GMCL1: variants seen among roughly 807,000 people sequenced by gnomAD.
GMCL1 encodes germ cell-less 1, spermatogenesis associated.
In GMCL1, 54 loss-of-function variants were observed where a neutral mutation model predicts 75.5. That is an observed-to-expected ratio of 0.71 (90% CI 0.57 to 0.90). The LOEUF is 0.90. Among genes scored for constraint, GMCL1 ranks in the 40% least tolerant of loss-of-function variants. GMCL1 has a pLI of 0.00. For missense variants in GMCL1, 537 were observed against 622.7 expected (o/e 0.86, Z 1.47); for synonymous variants, 210 against 209.6 (o/e 1.00, Z -0.02).
rs1272588966 is a variant in GMCL1 at position 69,879,027 on chromosome 2, C to T, written c.*23C>T. On this transcript the variant is annotated 3_prime_UTR_variant, in exon 14 of 14. Coordinates refer to ENST00000282570, the MANE Select transcript of GMCL1 (RefSeq NM_178439.5). Reference sequence around the variant, plus strand: ...TGAAAATAATCGTCACCCAGAAAATCCAGAAAACTGAAGATTTCATCAGTT... The same window carrying T: ...TGAAAATAATCGTCACCCAGAAAATTCAGAAAACTGAAGATTTCATCAGTT... 1 of 1,456,704 alleles carries T rather than the reference C, an allele frequency of 6.9e-7. No individual in the cohort carries two copies. The highest frequency in any genetic ancestry group is 9.6e-7 in the Non-Finnish European group (1 of 1,043,736). 90.2% of individuals were successfully genotyped at this position (1,456,704 alleles called of 1,614,324 possible).
chr2:69,869,467 G>A, intron 11 of GMCL1: 1 of 327,264 alleles, frequency 3.1e-6, no homozygotes, highest in African/African-American at 2.2e-5. Flanking sequence ...TAGAATTGCA[G>A]TATGGAGAGA....
rs1255333022 is a variant in GMCL1 at position 69,854,934 on chromosome 2, T to C, written c.1046T>C (p.Ile349Thr). Reference protein sequence around the residue: ...IISDLASARIIEQDAVVPSEW... With the variant: ...IISDLASARITEQDAVVPSEW... ...AGTGATCTGGCTTCTGCAAGAATTA[T>C]TGAACAAGATGCTGTAGTACCTTCA... The change falls in exon 9 of 14, where the codon ATT (isoleucine) becomes ACT (threonine). Residue 349 changes from isoleucine to threonine, a missense_variant. Ile to Thr is a moderately conservative substitution (Grantham distance 89). Around this residue, in one of 3 missense-constraint regions of GMCL1, gnomAD observed 345 missense variants for 410.5 expected, o/e 0.84. Transcript: ENST00000282570. 6.2e-7 allele frequency: 1 copy of C among 1,608,262 alleles called. No homozygotes were observed. Among genetic ancestry groups the C allele is most frequent in the East Asian group, 2.2e-5 (1 of 44,586 alleles).
intron 10 of GMCL1, among the ~76,000 whole-genome samples, chr2:69,863,007 T>C (rs1675702577): frequency 6.6e-6 from 1 of 152,192 alleles, no homozygotes; most frequent in African/African-American, 2.4e-5. Flanking sequence ...ATGTCCTTAT[T>C]GAGGTAATAC....
intron 13 of GMCL1, among the ~76,000 whole-genome samples, chr2:69,875,669 C>T (rs918465260): frequency 2.0e-5 from 3 of 151,726 alleles, no homozygotes; most frequent in Non-Finnish European, 4.4e-5. Flanking sequence ...TGTGTATTTC[C>T]TGGAAGTATA....
At chr2:69,860,148 C>T (rs1249104272) in intron 9 of GMCL1, among the ~76,000 whole-genome samples, 1 of 151,974 alleles carries the variant, frequency 6.6e-6, no homozygotes, top group East Asian at 1.9e-4. Flanking sequence ...ACTACAGGTG[C>T]ACGCACCTAA....
intron 11 of GMCL1, among the ~76,000 whole-genome samples, chr2:69,866,495 GTC>G (rs1336891934): frequency 1.3e-5 from 2 of 152,138 alleles, no homozygotes; most frequent in Non-Finnish European, 1.5e-5. Context: ...GATGGACAGT[GTC>G]TCACTGTGTC....
intron 8 of GMCL1, among the ~76,000 whole-genome samples, chr2:69,852,448 G>A (rs1675343556): frequency 6.6e-6 from 1 of 152,022 alleles, no homozygotes; most frequent in African/African-American, 2.4e-5. Flanking sequence ...ATTTTCAATA[G>A]TTTTAAAATT....
At position 69,877,985 on chromosome 2, in the gene GMCL1, G is replaced by A. The variant is rs1425818343; in HGVS notation, c.1453-924G>A. ...AGAGCATATCCCAGGCATTTAAAAC[G>A]TAGGAATTCTCATTTTAGTGTTTCT... On this transcript the variant is annotated intron_variant, in intron 13 of 13. Transcript: ENST00000282570. 3.9e-5 allele frequency among the ~76,000 whole-genome samples: 6 copies of A among 152,212 alleles called. 1 individual carries two copies. The highest frequency in any genetic ancestry group is 1.3e-4 in the Admixed American group (2 of 15,288).
chr2:69,870,192 A>G (rs1573372853), intron 12 of GMCL1, among the ~76,000 whole-genome samples: 1 of 151,592 alleles, frequency 6.6e-6, no homozygotes, highest in Non-Finnish European at 1.5e-5. Context: ...GAAAACACAT[A>G]TTATCCTTAA....
Position 69,844,207 on chromosome 2 carries a change from T to C in GMCL1, c.758+11T>C. On this transcript the variant is annotated intron_variant, in intron 6 of 13. Transcript: ENST00000282570. ...TTTTAAAGAACTCAGGTATTTGAAT[T>C]TCAAGTAACTTCATAATTAGTCATC... 7.1e-7 allele frequency: 1 copy of C among 1,411,914 alleles called. No homozygotes were observed. Among genetic ancestry groups the C allele is most frequent in the Non-Finnish European group, 9.8e-7 (1 of 1,019,456 alleles). 87.5% of individuals were successfully genotyped at this position (1,411,914 alleles called of 1,614,324 possible). A position where few individuals can be genotyped will look rare whatever the true frequency, so the allele number is the denominator to read the frequency against.
At chr2:69,861,166 C>A in intron 9 of GMCL1, 112 bp from the exon 10 acceptor site, 1 of 763,936 alleles carries the variant, frequency 1.3e-6, no homozygotes, top group Non-Finnish European at 2.1e-6. Context: ...TTTTAAATTG[C>A]TATTTTAAAC....
intron 7 of GMCL1, among the ~76,000 whole-genome samples, 157 bp from the exon 8 acceptor site, chr2:69,849,495 A>C (rs1219343804): frequency 6.6e-6 from 1 of 152,198 alleles, no homozygotes; most frequent in Non-Finnish European, 1.5e-5. Flanking sequence ...TGATAAATTG[A>C]GTGCTTATAG....
chr2:69,869,293 C>T (rs1675914706), intron 11 of GMCL1, among the ~76,000 whole-genome samples: 1 of 149,422 alleles, frequency 6.7e-6, no homozygotes, highest in Non-Finnish European at 1.5e-5. Flanking sequence ...TGGCAGGGAC[C>T]TGTAGTCCCA....
intron 9 of GMCL1, among the ~76,000 whole-genome samples, chr2:69,860,994 C>G (rs1675623855): frequency 6.6e-6 from 1 of 152,208 alleles, no homozygotes; most frequent in Non-Finnish European, 1.5e-5. Flanking sequence ...AGGCGCCCAC[C>G]ACCACACCCG....
At chr2:69,843,602 A>G (rs939333686) in intron 5 of GMCL1, among the ~76,000 whole-genome samples, 5 of 152,154 alleles carry the variant, frequency 3.3e-5, no homozygotes, top group Non-Finnish European at 7.4e-5. Flanking sequence ...CAGCCTGAGC[A>G]ATGTAGGGAG....
At chr2:69,872,932 A>G (rs1676023362) in intron 13 of GMCL1, among the ~76,000 whole-genome samples, 1 of 152,344 alleles carries the variant, frequency 6.6e-6, no homozygotes, top group Non-Finnish European at 1.5e-5. Context: ...TCCTTCAGCA[A>G]ACATTTGTGT....
chr2:69,859,955 A>G (rs1212496320), intron 9 of GMCL1, among the ~76,000 whole-genome samples: 1 of 152,118 alleles, frequency 6.6e-6, no homozygotes, highest in Non-Finnish European at 1.5e-5. Context: ...CTAGTTGGGA[A>G]TAAACAAGAG....
At chr2:69,837,303 C>T (rs3771534) in intron 1 of GMCL1, among the ~76,000 whole-genome samples, 31,437 of 152,020 alleles carry the variant, frequency 0.21, 3,416 homozygotes, top group African/African-American at 0.25. Context: ...CATGCTGCCC[C>T]CCTTTCTCCA....
Position 69,844,154 on chromosome 2 carries a change from A to ATTT in GMCL1, c.717_719dup (p.Asn239_Leu240insPhe). 6.3e-7 allele frequency: 1 copy of ATTT among 1,575,566 alleles called. No individual in the cohort carries two copies. Among genetic ancestry groups the ATTT allele is most frequent in the Non-Finnish European group, 8.6e-7 (1 of 1,159,528 alleles). On this transcript the variant is annotated inframe_insertion, in exon 6 of 14. Coordinates refer to ENST00000282570, the MANE Select transcript of GMCL1 (RefSeq NM_178439.5). ...AGGTGCCTTGAATGGCTTCTAAACA[A>ATTT]TTTGATGACTCACCAGAATGTTGAA...
Sources: gnomAD v4.1 joint callset for allele counts (sites outside exome capture counted in the v4.1 genomes callset) on GRCh38, gnomAD v4.1.1 for gene constraint, gnomAD v4.1.1 regional missense constraint, MANE v1.5 for transcripts, NCBI Gene and HGNC (gene_info 2026-07-23, HGNC 2026-07-21) for gene names.